RPTOR: variants seen among roughly 807,000 people sequenced by gnomAD.
RPTOR encodes regulatory-associated protein of mTOR.
A neutral mutation model predicts 169.9 loss-of-function variants in RPTOR; 21 were observed. The observed-to-expected ratio is 0.12, with a 90% CI of 0.09 to 0.18. RPTOR has a LOEUF of 0.18. RPTOR is among the 10% of genes least tolerant of loss of function. The pLI is 1.00. For missense variants in RPTOR, 1,133 were observed against 1,855.9 expected, an observed-to-expected ratio of 0.61 and a Z score of 7.16; for synonymous variants, 732 against 753.2, an observed-to-expected ratio of 0.97 and a Z score of 0.46.
At chr17:80,955,214 G>A (rs901245669) in intron 28 of RPTOR, among the ~76,000 whole-genome samples, 2 of 152,202 alleles carry the variant, frequency 1.3e-5, no homozygotes, top group Admixed American at 1.3e-4. Context: ...TTGAAGAGGC[G>A]CAGACGGCAT....
intron 9 of RPTOR, among the ~76,000 whole-genome samples, chr17:80,829,632 G>T (rs1306355618): frequency 6.6e-6 from 1 of 152,142 alleles, no homozygotes; most frequent in Non-Finnish European, 1.5e-5. Context: ...CCAGCATGGG[G>T]GGCGGCCCGT....
intron 3 of RPTOR, among the ~76,000 whole-genome samples, chr17:80,674,218 T>A (rs1383199234): frequency 6.6e-6 from 1 of 152,242 alleles, no homozygotes; most frequent in Admixed American, 6.5e-5. Context: ...CTAGATCCTG[T>A]TTACACATGT....
chr17:80,928,604 T>G (rs2068839556), intron 24 of RPTOR, among the ~76,000 whole-genome samples: 1 of 152,242 alleles, frequency 6.6e-6, no homozygotes, highest in South Asian at 2.1e-4. Flanking sequence ...ACCGTCAGAT[T>G]TCGTACAGGT....
chr17:80,965,437 G>T lies in RPTOR; in HGVS notation c.*1107G>T, dbSNP rs1037192899. On this transcript the variant is annotated 3_prime_UTR_variant, in exon 34 of 34. Transcript: ENST00000306801. Reference sequence around the variant, plus strand: ...ACAGCTGGGCCTGTGGTGCAGACAGGAGCTGTGTGGACAGTCCCGCCCAGG... The same window carrying T: ...ACAGCTGGGCCTGTGGTGCAGACAGTAGCTGTGTGGACAGTCCCGCCCAGG... The T allele has an allele frequency of 1.3e-5, 3 of 233,298 alleles. No homozygotes were observed. 14.5% of individuals were successfully genotyped at this position (233,298 alleles called of 1,614,324 possible). A position where few individuals can be genotyped will look rare whatever the true frequency, so the allele number is the denominator to read the frequency against.
Position 80,744,631 on chromosome 17 carries a change from C to CACTGT in RPTOR, c.655-9379_655-9378insACTGT, listed in dbSNP as rs2066546054. Among the ~76,000 whole-genome samples the CACTGT allele has an allele frequency of 1.3e-3, 3 of 2,356 alleles. 1 individual carries two copies. Among genetic ancestry groups the CACTGT allele is most frequent in the Non-Finnish European group, 3.4e-3 (3 of 882 alleles). 1.5% of individuals were successfully genotyped at this position (2,356 alleles called of 152,430 possible). A position where few individuals can be genotyped will look rare whatever the true frequency, so the allele number is the denominator to read the frequency against. ...AGCACAGCCCTGGTTACTAGCAGAGCCCTGGCTACTAGCACTCTCCTGGTT... is the reference window on the plus strand; with the variant it reads ...AGCACAGCCCTGGTTACTAGCAGAGCACTGTCCTGGCTACTAGCACTCTCCTGGTT... On this transcript the variant is annotated intron_variant, in intron 5 of 33. Transcript: ENST00000306801.
At position 80,754,973 on chromosome 17, in the gene RPTOR, T is replaced by G. The variant is rs182513787; in HGVS notation, c.830+788T>G. 7.6e-3 allele frequency among the ~76,000 whole-genome samples: 1,154 copies of G among 152,188 alleles called. 13 individuals carry two copies. Among genetic ancestry groups the G allele is most frequent in the African/African-American group, 0.027 (1,110 of 41,522 alleles). ...GGCTTCTGTCAAGATGGCCTAACAC[T>G]CTAGACAAGTCTCCTGCCTTCTCAC... On this transcript the variant is annotated intron_variant, in intron 6 of 33. Coordinates refer to ENST00000306801, the MANE Select transcript of RPTOR (RefSeq NM_020761.3). This position sits in a 1 kb window ranked among gnomAD's most constrained non-coding sequence, Gnocchi z 4.2.
At chr17:80,627,849 T>G (rs2065407813) in intron 2 of RPTOR, among the ~76,000 whole-genome samples, 1 of 151,882 alleles carries the variant, frequency 6.6e-6, no homozygotes, top group Admixed American at 6.5e-5. Flanking sequence ...TTTTTTTTTT[T>G]TTTTTGAGAT....
At chr17:80,816,405 A>T (rs768486545) in intron 7 of RPTOR, among the ~76,000 whole-genome samples, 6 of 152,116 alleles carry the variant, frequency 3.9e-5, no homozygotes, top group Non-Finnish European at 7.4e-5. Flanking sequence ...ATCCACAGGG[A>T]CTCTTGGAGT....
chr17:80,925,286 C>T, intron 23 of RPTOR, 84 bp from the exon 24 acceptor site: 1 of 1,205,750 alleles, frequency 8.3e-7, no homozygotes. Context: ...CCTTTGTCCC[C>T]AGCTGCAGCT....
chr17:80,670,506 T>C lies in RPTOR; in HGVS notation c.348+26696T>C, dbSNP rs146474697. Among the ~76,000 whole-genome samples the C allele has an allele frequency of 1.6e-4, 25 of 152,350 alleles. No individual in the cohort carries two copies. In the East Asian group the frequency reaches 4.8e-3, roughly 29 times the overall value. ...GCCCGCTGCTTCGTCTTTTTCTATTTGTACCCTATTTTTTTGATGGCACTC... is the reference window on the plus strand; with the variant it reads ...GCCCGCTGCTTCGTCTTTTTCTATTCGTACCCTATTTTTTTGATGGCACTC... On this transcript the variant is annotated intron_variant, in intron 3 of 33. Coordinates refer to ENST00000306801, the MANE Select transcript of RPTOR (RefSeq NM_020761.3).
At chr17:80,828,310 A>C (rs1484145449) in intron 9 of RPTOR, among the ~76,000 whole-genome samples, 1 of 152,220 alleles carries the variant, frequency 6.6e-6, no homozygotes, top group Non-Finnish European at 1.5e-5. Flanking sequence ...TGTGCGCCTC[A>C]TATGAGAAAC....
chr17:80,796,693 A>G (rs1382843778), intron 7 of RPTOR, among the ~76,000 whole-genome samples: 5 of 152,198 alleles, frequency 3.3e-5, no homozygotes, highest in Admixed American at 6.5e-5. Context: ...ATTGAGAATA[A>G]CTTCTTAAAG....
intron 3 of RPTOR, among the ~76,000 whole-genome samples, chr17:80,685,627 A>ATTTTTTTTTTTTT (rs1165540456): frequency 3.3e-5 from 1 of 30,686 alleles, no homozygotes; most frequent in Non-Finnish European, 5.4e-5. Context: ...ATATATATAT[A>ATTTTTTTTTTTTT]TTTTTTTTTT....
chr17:80,591,197 CTCCCATCTCCTCCCCTCT>C (rs2065103715), intron 1 of RPTOR, among the ~76,000 whole-genome samples: 1 of 15,112 alleles, frequency 6.6e-5, no homozygotes, highest in African/African-American at 2.5e-4. Context: ...CTCCCCTCTC[CTCCCATCTCCTCCCCTCT>C]CCTCCCCTCT....
chr17:80,706,925 T>C (rs765188642), intron 3 of RPTOR, among the ~76,000 whole-genome samples: 2 of 152,240 alleles, frequency 1.3e-5, no homozygotes, highest in Non-Finnish European at 2.9e-5. Context: ...CATGTCTGTG[T>C]TTTGCACATT....
At chr17:80,835,242 A>G (rs1308339520) in intron 9 of RPTOR, among the ~76,000 whole-genome samples, 1 of 152,146 alleles carries the variant, frequency 6.6e-6, no homozygotes. Context: ...CCCTTTGTTC[A>G]TCTTAAACTT....
intron 1 of RPTOR, among the ~76,000 whole-genome samples, chr17:80,615,804 G>A (rs752767881): frequency 2.6e-5 from 4 of 151,944 alleles, no homozygotes; most frequent in Non-Finnish European, 5.9e-5. Flanking sequence ...ATTAATGTTA[G>A]ACGTCATCTT....
chr17:80,718,517 CAGAG>C (rs1185753821), intron 4 of RPTOR, among the ~76,000 whole-genome samples: 3 of 151,614 alleles, frequency 2.0e-5, no homozygotes, highest in Non-Finnish European at 4.4e-5. Context: ...TTGGCCCCTT[CAGAG>C]AGAGAGAGAG....
At chr17:80,901,436 G>A (rs1488821339) in intron 20 of RPTOR, among the ~76,000 whole-genome samples, 2 of 151,794 alleles carry the variant, frequency 1.3e-5, no homozygotes, top group African/African-American at 2.4e-5. Flanking sequence ...CAAATCTTAG[G>A]AAATTTGACA....
Sources: gnomAD v4.1 joint callset for allele counts (sites outside exome capture counted in the v4.1 genomes callset) on GRCh38, gnomAD v4.1.1 for gene constraint, Gnocchi (gnomAD v3.1) non-coding constraint, MANE v1.5 for transcripts, NCBI Gene and HGNC (gene_info 2026-07-23, HGNC 2026-07-21) for gene names.